Variants in SKOR2 observed in about 807,000 individuals in gnomAD.
SKOR2 encodes the protein SKI family transcriptional corepressor 2, also known as LBX1 corepressor 1-like protein.
A neutral mutation model predicts 69.1 loss-of-function variants in SKOR2; 47 were observed. The ratio of observed to expected loss-of-function variants is 0.68; its 90% CI spans 0.54 to 0.87. SKOR2 has a LOEUF of 0.87. Ranked by LOEUF, SKOR2 falls within the 40% of genes least tolerant of loss-of-function variation. The pLI is 0.00. For missense variants in SKOR2, 1,404 were observed against 1,472.2 expected, an observed-to-expected ratio of 0.95 and a Z score of 0.76; for synonymous variants, 717 against 672.6, an observed-to-expected ratio of 1.07 and a Z score of -1.02.
intron 6 of SKOR2, among the ~76,000 whole-genome samples, chr18:47,227,639 A>G (rs2064183348): frequency 6.6e-6 from 1 of 152,104 alleles, no homozygotes; most frequent in Non-Finnish European, 1.5e-5. Context: ...CCAGAAGCCA[A>G]AAATTTGGAC....
intron 4 of SKOR2, among the ~76,000 whole-genome samples, chr18:47,234,807 A>T (rs2144500473): frequency 6.9e-6 from 1 of 145,542 alleles, no homozygotes; most frequent in Admixed American, 7.1e-5. Flanking sequence ...ATTGCAGTAA[A>T]CCGAGATCAC....
At chr18:47,237,670 T>C (rs1016694563) in intron 4 of SKOR2, among the ~76,000 whole-genome samples, 1 of 151,690 alleles carries the variant, frequency 6.6e-6, no homozygotes, top group African/African-American at 2.4e-5. Context: ...ATACATTCTT[T>C]CTCCTCCCCA....
At position 47,245,474 on chromosome 18, in the gene SKOR2, G is replaced by A. The variant is rs1045446957; in HGVS notation, c.2677+24C>T. On this transcript the variant is annotated intron_variant, in intron 3 of 8. Transcript: ENST00000425639. ...TTAAATGCAGGCAAGAAAAGTGGCA[G>A]CTGATTTTTTTTTTTTTTTTTACCT... 1.8e-5 allele frequency: 11 copies of A among 620,860 alleles called. No individual in the cohort carries two copies. The African/African-American group carries it at 4.6e-4, about 26-fold the overall frequency. 38.5% of individuals were successfully genotyped at this position (620,860 alleles called of 1,614,324 possible). A position where few individuals can be genotyped will look rare whatever the true frequency, so the allele number is the denominator to read the frequency against.
intron 3 of SKOR2, 109 bp downstream of exon 3, chr18:47,245,389 A>G: frequency 9.9e-7 from 1 of 1,010,896 alleles, no homozygotes; most frequent in East Asian, 2.8e-5. Flanking sequence ...ATCAATGGTT[A>G]AAAACAGAAT....
chr18:47,248,032 CGGGA>C lies in SKOR2; in HGVS notation c.1148_1151del (p.Ile383ArgfsTer112). The stretch of plus-strand genomic sequence containing the variant: ...CCCCGAACGAGCCCTTGCTGGGCAC[CGGGA>C]TGACTGGGTAGCTGCGCGGGCCTTT... On this transcript the variant is annotated frameshift_variant, in exon 2 of 9. Coordinates refer to ENST00000425639, the MANE Select transcript of SKOR2 (RefSeq NM_001278063.4). LOFTEE classifies it high-confidence loss of function. This position sits in a 1 kb window ranked among gnomAD's most constrained non-coding sequence, Gnocchi z 6.4. The C allele has an allele frequency of 6.9e-7, 1 of 1,440,136 alleles. No individual in the cohort carries two copies. Among genetic ancestry groups the C allele is most frequent in the Non-Finnish European group, 9.1e-7 (1 of 1,098,146 alleles). The allele number at this position is 1,440,136 out of a possible 1,614,324, so 89.2% of individuals were successfully genotyped here. A position where few individuals can be genotyped will look rare whatever the true frequency, so the allele number is the denominator to read the frequency against.
rs184090908 is a variant in SKOR2, at chr18:47,231,407, G to A, written c.2753-407C>T. 2.0e-3 allele frequency among the ~76,000 whole-genome samples: 303 copies of A among 152,246 alleles called. 1 individual carries two copies. The highest frequency in any genetic ancestry group is 7.1e-3 in the African/African-American group (295 of 41,526). On this transcript the variant is annotated intron_variant, in intron 4 of 8. Transcript: ENST00000425639. ...GAGGAAGCTTGGTTTGAATGGAAAG[G>A]TTCTCAAGACTAGAGGCAGGTGCCC... is the stretch of plus-strand genomic sequence containing the variant.
In SKOR2 at chr18:47,246,907, T is replaced by C; in HGVS notation, c.2277A>G (p.Glu759=). The C allele has an allele frequency of 6.7e-7, 1 of 1,489,916 alleles. No homozygotes were observed. Among genetic ancestry groups the C allele is most frequent in the Non-Finnish European group, 8.9e-7 (1 of 1,126,498 alleles). The allele number at this position is 1,489,916 out of a possible 1,614,324, so 92.3% of individuals were successfully genotyped here. A position where few individuals can be genotyped will look rare whatever the true frequency, so the allele number is the denominator to read the frequency against. The change falls in exon 2 of 9, where the codon GAA becomes GAG. Residue 759 remains glutamate, a synonymous_variant. Transcript: ENST00000425639. ...CCTCGTCGTCGTCAGGGTCTCGACC[T>C]TCCTCCTCTTCCTCGCCCTCGGGGG... ...HKPPEGEEEE[E]GRDPDDDEEE...
At position 47,217,926 on chromosome 18, in the gene SKOR2, G is replaced by C. The variant is rs142367250; in HGVS notation, c.2985+2017C>G. Among the ~76,000 whole-genome samples, 755 of 152,210 alleles carry C rather than the reference G, an allele frequency of 5.0e-3. 6 individuals are homozygous for C. Among genetic ancestry groups the C allele is most frequent in the African/African-American group, 0.017 (721 of 41,528 alleles). Reference sequence around the variant, plus strand: ...AATAGTTTACTATCTATAGGAATGTGAATTAACAACATTTGTCTAGATAGA... The same window carrying C: ...AATAGTTTACTATCTATAGGAATGTCAATTAACAACATTTGTCTAGATAGA... On this transcript the variant is annotated intron_variant, in intron 7 of 8. Transcript: ENST00000425639.
At position 47,248,836 on chromosome 18, in the gene SKOR2, G is replaced by T; in HGVS notation, c.348C>A (p.Gly116=). Residue 116 remains glycine, a synonymous_variant, in exon 2 of 9, where the codon GGC becomes GGA. Coordinates refer to ENST00000425639, the MANE Select transcript of SKOR2 (RefSeq NM_001278063.4). The surrounding 1 kb of genome is among the most constrained non-coding windows in gnomAD (Gnocchi z 6.4). ...GAMPISSRRC[G]MITKREAERL... ...GCTCGGCCTCGCGTTTGGTGATCAT[G>T]CCGCAGCGGCGCGATGAGATGGGCA... is the stretch of plus-strand genomic sequence containing the variant. The T allele has an allele frequency of 6.4e-7, 1 of 1,560,644 alleles. No homozygotes were observed. Among genetic ancestry groups the T allele is most frequent in the South Asian group, 1.2e-5 (1 of 85,972 alleles).
At chr18:47,207,758 T>C (rs2064117244) in intron 8 of SKOR2, among the ~76,000 whole-genome samples, 1 of 152,236 alleles carries the variant, frequency 6.6e-6, no homozygotes, top group Non-Finnish European at 1.5e-5. Context: ...AAGACTCTTG[T>C]TGTTACTTTC....
At chr18:47,241,834 G>A (rs748319307) in intron 4 of SKOR2, among the ~76,000 whole-genome samples, 3 of 152,104 alleles carry the variant, frequency 2.0e-5, no homozygotes, top group Non-Finnish European at 4.4e-5. Flanking sequence ...AATAATGTGA[G>A]AATGAAACTG....
rs1349509806 is a variant in SKOR2, at chr18:47,247,946, G to A, written c.1238C>T (p.Ala413Val). 10 of 1,363,664 alleles carry A rather than the reference G, an allele frequency of 7.3e-6. No homozygotes were observed. The highest frequency in any genetic ancestry group is 7.5e-5 in the Admixed American group (2 of 26,550). The allele number at this position is 1,363,664 out of a possible 1,614,324, so 84.5% of individuals were successfully genotyped here. A position where few individuals can be genotyped will look rare whatever the true frequency, so the allele number is the denominator to read the frequency against. ...GLFPHPYTFP[A>V]AAAAFSLCHK... ...GCACAAGCTGAAGGCGGCGGCCGCG[G>A]CAGGGAAGGTGTAGGGGTGCGGGAA... The change falls in exon 2 of 9, where the codon GCC (alanine) becomes GTC (valine). Residue 413 changes from alanine (A) to valine (V), a missense_variant. Physicochemically the swap from Ala to Val is moderately conservative, Grantham distance 64. This residue lies in a region of SKOR2 where 1,266 missense variants were observed against 1,309.9 expected (regional missense o/e 0.97). Transcript: ENST00000425639. This position sits in a 1 kb window ranked among gnomAD's most constrained non-coding sequence, Gnocchi z 6.6.
intron 6 of SKOR2, among the ~76,000 whole-genome samples, chr18:47,221,804 G>A (rs2064162347): frequency 6.6e-6 from 1 of 152,186 alleles, no homozygotes; most frequent in African/African-American, 2.4e-5. Flanking sequence ...AGGAAGATAC[G>A]TTTAGACACT....
Position 47,247,220 on chromosome 18 carries a change from TG to T in SKOR2, c.1963del (p.His655ThrfsTer127). On this transcript the variant is annotated frameshift_variant, in exon 2 of 9. Transcript: ENST00000425639. LOFTEE classifies it high-confidence loss of function. This position sits in a 1 kb window ranked among gnomAD's most constrained non-coding sequence, Gnocchi z 6.6. ...GAPHSAQTHP[H>X]HHHHPHHHHH... is the part of the protein sequence containing the mutation. ...GTGGTGGTGAGGGTGGTGATGGTGG[TG>T]GGGATGCGTCTGGGCCGAGTGGGGC... The T allele has an allele frequency of 7.0e-7, 1 of 1,437,834 alleles. No homozygotes were observed. Among genetic ancestry groups the T allele is most frequent in the Non-Finnish European group, 9.1e-7 (1 of 1,098,002 alleles). The allele number at this position is 1,437,834 out of a possible 1,614,324, so 89.1% of individuals were successfully genotyped here.
In SKOR2 at chr18:47,246,804, A is replaced by T; in HGVS notation, c.2380T>A (p.Ser794Thr). 7.1e-7 allele frequency: 1 copy of T among 1,414,566 alleles called. No homozygotes were observed. 87.6% of individuals were successfully genotyped at this position (1,414,566 alleles called of 1,614,324 possible). A position where few individuals can be genotyped will look rare whatever the true frequency, so the allele number is the denominator to read the frequency against. ...GGRFLQGRGP[S>T]EKGSSRDRAP... is the part of the protein sequence containing the mutation. ...CGGTCCCGGCTGCTCCCCTTCTCCG[A>T]CGGCCCTCGGCCCTGGAGGAACCGG... The change falls in exon 2 of 9, where the codon TCG (serine) becomes ACG (threonine). Residue 794 changes from serine to threonine, a missense_variant. By Grantham distance (58) the Ser-to-Thr change is moderately conservative. Transcript: ENST00000425639.
At chr18:47,249,252 G>C in intron 1 of SKOR2, 22 bp from the exon 2 acceptor site, 1 of 1,468,884 alleles carries the variant, frequency 6.8e-7, no homozygotes. Context: ...AGGAGAAAGC[G>C]TTGACTTGAG....
chr18:47,228,391 T>C (rs953831256), intron 6 of SKOR2, among the ~76,000 whole-genome samples: 1 of 152,258 alleles, frequency 6.6e-6, no homozygotes, highest in African/African-American at 2.4e-5. Context: ...GAGGTCTGAA[T>C]TGAAACTGGC....
chr18:47,219,937 G>C lies in SKOR2; in HGVS notation c.2985+6C>G. 1 of 1,534,822 alleles carries C rather than the reference G, an allele frequency of 6.5e-7. No homozygotes were observed. The highest frequency in any genetic ancestry group is 2.4e-5 in the East Asian group (1 of 40,864). On this transcript the variant is annotated splice_donor_region_variant and intron_variant, in intron 7 of 8. Coordinates refer to ENST00000425639, the MANE Select transcript of SKOR2 (RefSeq NM_001278063.4). ...GCATTTATTTTTAAGTAGAAATGCAGCTTACAATTTGTAACTGTTGCACCA... is the reference window on the plus strand; with the variant it reads ...GCATTTATTTTTAAGTAGAAATGCACCTTACAATTTGTAACTGTTGCACCA...
At chr18:47,232,789 G>C (rs534703792) in intron 4 of SKOR2, among the ~76,000 whole-genome samples, 31 of 152,332 alleles carry the variant, frequency 2.0e-4, no homozygotes, top group African/African-American at 7.5e-4. Context: ...GTAAGCGGGG[G>C]CCAGAATTCA....
Sources: allele counts gnomAD v4.1 joint callset (sites outside exome capture counted in the v4.1 genomes callset), GRCh38; gene constraint gnomAD v4.1.1; regional missense constraint gnomAD v4.1.1; non-coding constraint Gnocchi (gnomAD v3.1); transcripts MANE v1.5; gene names NCBI Gene and HGNC (gene_info 2026-07-23, HGNC 2026-07-21).